TIPRL: variants seen among roughly 807,000 people sequenced by gnomAD.
TIPRL encodes TOR signaling pathway regulator.
Under a neutral mutation model 32.3 loss-of-function variants are expected in TIPRL, and 10 were observed. That is an observed-to-expected ratio of 0.31 (90% CI 0.19 to 0.52). TIPRL has a LOEUF of 0.52. TIPRL is among the 20% of genes least tolerant of loss of function. The pLI, the probability that TIPRL is intolerant of heterozygous loss-of-function variation, is 0.96. For synonymous variants in TIPRL, 100 were observed against 114.0 expected, an observed-to-expected ratio of 0.88 and a Z score of 0.78; for missense variants, 250 against 328.1, an observed-to-expected ratio of 0.76 and a Z score of 1.84.
intron 1 of TIPRL, among the ~76,000 whole-genome samples, chr1:168,181,315 C>T (rs1480534628): frequency 6.6e-6 from 1 of 151,732 alleles, no homozygotes; most frequent in Non-Finnish European, 1.5e-5. Flanking sequence ...TGGGTTCAAG[C>T]GATTCTCCTG....
intron 1 of TIPRL, among the ~76,000 whole-genome samples, 171 bp downstream of exon 1, chr1:168,179,352 C>T (rs562920264): frequency 8.5e-5 from 13 of 152,264 alleles, no homozygotes; most frequent in Admixed American, 5.2e-4. Flanking sequence ...ACTTCCGGGC[C>T]CTTTGGTTGG....
chr1:168,181,943 A>C (rs1381128995), intron 1 of TIPRL, among the ~76,000 whole-genome samples: 2 of 151,880 alleles, frequency 1.3e-5, no homozygotes, highest in Non-Finnish European at 2.9e-5. Flanking sequence ...GCAGGCCTGT[A>C]ATCCCAGCTA....
chr1:168,179,089 C>T lies in TIPRL; in HGVS notation c.12C>T (p.His4=), dbSNP rs746172242. ...GTCCTGCCTCAGCCATGATGATCCA[C>T]GGCTTCCAGAGCAGCCACCGGGATT... is the stretch of plus-strand genomic sequence containing the variant. The part of the protein sequence containing the change: MMI[H]GFQSSHRDFC... The change falls in exon 1 of 7, where the codon CAC becomes CAT. Residue 4 remains histidine (H), a synonymous_variant. Coordinates refer to ENST00000367833, the MANE Select transcript of TIPRL (RefSeq NM_152902.5). The T allele has an allele frequency of 6.2e-7, 1 of 1,613,682 alleles. No individual in the cohort carries two copies. Among genetic ancestry groups the T allele is most frequent in the Non-Finnish European group, 8.5e-7 (1 of 1,179,730 alleles).
chr1:168,200,082 C>G lies in TIPRL; in HGVS notation c.*36C>G, dbSNP rs372916134. On this transcript the variant is annotated 3_prime_UTR_variant, in exon 7 of 7. Coordinates refer to ENST00000367833, the MANE Select transcript of TIPRL (RefSeq NM_152902.5). ...AACATATACTCACTATGGAATCTGA[C>G]TGGACACCTTGGCTATTTGTAAGGG... 1.2e-5 allele frequency: 19 copies of G among 1,599,062 alleles called. No individual in the cohort carries two copies. Among genetic ancestry groups the G allele is most frequent in the Non-Finnish European group, 1.5e-5 (18 of 1,173,174 alleles).
intron 4 of TIPRL, among the ~76,000 whole-genome samples, chr1:168,194,657 C>T (rs965059024): frequency 6.6e-6 from 1 of 152,194 alleles, no homozygotes; most frequent in Non-Finnish European, 1.5e-5. Context: ...GTTATTTCTA[C>T]AGCTTTCCTT....
At chr1:168,182,907 A>C (rs1028701917) in intron 1 of TIPRL, among the ~76,000 whole-genome samples, 3 of 152,182 alleles carry the variant, frequency 2.0e-5, no homozygotes, top group African/African-American at 7.2e-5. Flanking sequence ...AATATTTTCT[A>C]TCTCCTAATA....
chr1:168,185,629 G>GGT lies in TIPRL; in HGVS notation c.384+751_384+752insGT, dbSNP rs539941797. Among the ~76,000 whole-genome samples the GGT allele has an allele frequency of 1.5e-3, 230 of 151,404 alleles. 2 individuals carry two copies. The highest frequency in any genetic ancestry group is 5.4e-3 in the African/African-American group (223 of 41,154). On this transcript the variant is annotated intron_variant, in intron 3 of 6. Coordinates refer to ENST00000367833, the MANE Select transcript of TIPRL (RefSeq NM_152902.5). ...CTATTAAAAAAAAAAAATTAGCTGG[G>GGT]TGTGGTGGCGCACACCTGTAATACC... is the stretch of plus-strand genomic sequence containing the variant.
intron 3 of TIPRL, 147 bp downstream of exon 3, chr1:168,185,025 G>C: frequency 1.9e-6 from 1 of 535,584 alleles, no homozygotes; most frequent in South Asian, 2.8e-5. Context: ...ATGTGAGGGG[G>C]TTTTGCTTGT....
intron 5 of TIPRL, among the ~76,000 whole-genome samples, chr1:168,198,508 A>G (rs1393064899): frequency 1.3e-5 from 2 of 152,198 alleles, no homozygotes; most frequent in Non-Finnish European, 1.5e-5. Context: ...GTTTTGCAAC[A>G]TAAAAGTAGC....
rs567169402 is a variant in TIPRL at position 168,191,607 on chromosome 1, C to G, written c.516+107C>G. On this transcript the variant is annotated intron_variant, in intron 4 of 6. Coordinates refer to ENST00000367833, the MANE Select transcript of TIPRL (RefSeq NM_152902.5). ...CTGAGCCTGGCCGGGCGCGGTGGCT[C>G]ACGCCTGTAATCCCAGCACTTTGAG... 1.7e-4 allele frequency: 166 copies of G among 954,650 alleles called. 1 individual carries two copies. The highest frequency in any genetic ancestry group is 2.2e-4 in the Non-Finnish European group (154 of 713,256). The allele number at this position is 954,650 out of a possible 1,614,324, so 59.1% of individuals were successfully genotyped here.
At chr1:168,193,107 G>A (rs867187733) in intron 4 of TIPRL, among the ~76,000 whole-genome samples, 5 of 152,196 alleles carry the variant, frequency 3.3e-5, no homozygotes, top group African/African-American at 9.6e-5. Flanking sequence ...AGGATTGCTT[G>A]AGCCCAGGAG....
intron 1 of TIPRL, among the ~76,000 whole-genome samples, chr1:168,181,520 A>T (rs774138752): frequency 7.9e-5 from 12 of 151,262 alleles, no homozygotes; most frequent in Admixed American, 7.9e-4. Flanking sequence ...CCTCCTCTCC[A>T]TATAACTTTC....
intron 4 of TIPRL, among the ~76,000 whole-genome samples, chr1:168,195,573 T>TTAAG (rs1347676446): frequency 2.0e-5 from 3 of 152,190 alleles, no homozygotes; most frequent in Non-Finnish European, 4.4e-5. Flanking sequence ...CATATTCATT[T>TTAAG]TAATTAATTA....
chr1:168,181,490 G>A (rs1699962300), intron 1 of TIPRL, among the ~76,000 whole-genome samples: 1 of 151,390 alleles, frequency 6.6e-6, no homozygotes, highest in African/African-American at 2.4e-5. Context: ...GGGATTACAG[G>A]CATAAGCCAC....
chr1:168,183,327 A>G (rs1483063266), intron 1 of TIPRL, among the ~76,000 whole-genome samples: 1 of 151,280 alleles, frequency 6.6e-6, no homozygotes, highest in African/African-American at 2.4e-5. Flanking sequence ...CAGGTATTCT[A>G]AAACTGATAC....
chr1:168,181,704 A>C (rs1699965446), intron 1 of TIPRL, among the ~76,000 whole-genome samples: 1 of 151,952 alleles, frequency 6.6e-6, no homozygotes, highest in Non-Finnish European at 1.5e-5. Flanking sequence ...GGCTGTATAC[A>C]TGGAGAGTTT....
Position 168,184,859 on chromosome 1 carries a change from G to C in TIPRL, c.365G>C (p.Gly122Ala). 6.2e-7 allele frequency: 1 copy of C among 1,607,030 alleles called. No individual in the cohort carries two copies. The highest frequency in any genetic ancestry group is 8.5e-7 in the Non-Finnish European group (1 of 1,174,442). ...ACAGATTATAAGGGAACCTTACTTG[G>C]AGAATCTCTTAAGTTAAAGGTAAAT... ...YTTDYKGTLLGESLKLKVVPT... is the reference protein window; with the variant it reads ...YTTDYKGTLLAESLKLKVVPT... Residue 122 changes from glycine to alanine, a missense_variant, in exon 3 of 7, where the codon GGA becomes GCA. By Grantham distance (60) the Gly-to-Ala change is moderately conservative. Transcript: ENST00000367833.
chr1:168,188,841 C>T (rs1352759535), intron 3 of TIPRL, among the ~76,000 whole-genome samples: 1 of 152,110 alleles, frequency 6.6e-6, no homozygotes, highest in Admixed American at 6.6e-5. Context: ...ATTAGCCAAG[C>T]GTTGTGGCAT....
At chr1:168,185,198 A>G (rs1353453015) in intron 3 of TIPRL, among the ~76,000 whole-genome samples, 1 of 152,224 alleles carries the variant, frequency 6.6e-6, no homozygotes, top group Non-Finnish European at 1.5e-5. Flanking sequence ...TTTAGACAGA[A>G]CCTGCTAGCT....
Sources: allele counts gnomAD v4.1 joint callset (sites outside exome capture counted in the v4.1 genomes callset), GRCh38; gene constraint gnomAD v4.1.1; transcripts MANE v1.5; gene names NCBI Gene and HGNC (gene_info 2026-07-23, HGNC 2026-07-21).